ETV6: variants seen among roughly 807,000 people sequenced by gnomAD.
ETV6 encodes transcription factor ETV6.
In ETV6, 16 loss-of-function variants were observed where a neutral mutation model predicts 51.1. That is an observed-to-expected ratio of 0.31 (90% CI 0.21 to 0.48). The LOEUF (loss-of-function observed/expected upper bound fraction) is 0.48, where lower values mean the gene tolerates loss of function less well. Among genes scored for constraint, ETV6 ranks in the 20% least tolerant of loss-of-function variants. The pLI, the probability that ETV6 is intolerant of heterozygous loss-of-function variation, is 0.99. For synonymous variants in ETV6, 240 were observed against 224.1 expected (o/e 1.07, Z -0.64); for missense variants, 458 against 594.8 (o/e 0.77, Z 2.39).
intron 1 of ETV6, among the ~76,000 whole-genome samples, chr12:11,711,105 G>T (rs1865164454): frequency 6.6e-6 from 1 of 152,192 alleles, no homozygotes; most frequent in Non-Finnish European, 1.5e-5. Context: ...ACCACTAATC[G>T]ATTGAGTTGG....
intron 2 of ETV6, among the ~76,000 whole-genome samples, chr12:11,779,164 G>A (rs1015040336): frequency 6.6e-6 from 1 of 152,168 alleles, no homozygotes; most frequent in Admixed American, 6.5e-5. Context: ...GCGTCTCTGC[G>A]TATATTTGTG....
intron 4 of ETV6, among the ~76,000 whole-genome samples, chr12:11,865,357 C>T (rs530303717): frequency 6.6e-6 from 1 of 151,630 alleles, no homozygotes; most frequent in Non-Finnish European, 1.5e-5. Context: ...TCGGTATCAT[C>T]AAATAATCTG....
chr12:11,720,515 T>C (rs1361019452), intron 1 of ETV6, among the ~76,000 whole-genome samples: 1 of 152,238 alleles, frequency 6.6e-6, no homozygotes, highest in Admixed American at 6.5e-5. Context: ...CTGGGATAGC[T>C]GGCTAGCCAT....
intron 1 of ETV6, among the ~76,000 whole-genome samples, chr12:11,739,561 C>G (rs1392220512): frequency 6.6e-6 from 1 of 152,136 alleles, no homozygotes; most frequent in East Asian, 1.9e-4. Flanking sequence ...ATTTTATGAA[C>G]TCTAAATACA....
At chr12:11,798,226 G>A (rs1191949175) in intron 2 of ETV6, among the ~76,000 whole-genome samples, 1 of 152,202 alleles carries the variant, frequency 6.6e-6, no homozygotes, top group South Asian at 2.1e-4. Context: ...CCACAGAAGA[G>A]AAGCAGTTGA....
intron 5 of ETV6, among the ~76,000 whole-genome samples, chr12:11,879,049 C>T (rs139470485): frequency 1.5e-3 from 224 of 152,226 alleles, no homozygotes; most frequent in East Asian, 2.9e-3. Flanking sequence ...CAGATATTGC[C>T]ACATGCCCCC....
intron 4 of ETV6, among the ~76,000 whole-genome samples, chr12:11,865,891 T>G (rs980406787): frequency 1.3e-5 from 2 of 151,988 alleles, no homozygotes; most frequent in Non-Finnish European, 2.9e-5. Flanking sequence ...TTCTTGGACC[T>G]TCGAATTTAC....
chr12:11,735,341 G>A (rs1224209921), intron 1 of ETV6, among the ~76,000 whole-genome samples: 2 of 152,156 alleles, frequency 1.3e-5, no homozygotes, highest in African/African-American at 4.8e-5. Context: ...GGTTATGGGA[G>A]TTGGTCTTTG....
intron 1 of ETV6, among the ~76,000 whole-genome samples, chr12:11,740,038 C>A (rs1865781069): frequency 1.3e-5 from 2 of 152,156 alleles, no homozygotes; most frequent in African/African-American, 4.8e-5. Flanking sequence ...GACAGCTTTA[C>A]CTCTGTTAAT....
intron 3 of ETV6, chr12:11,840,766 CAAACATACCTG>C: frequency 3.3e-6 from 1 of 299,720 alleles, no homozygotes; most frequent in Non-Finnish European, 6.6e-6. Flanking sequence ...GGAAGGGACA[CAAACATACCTG>C]AAACATTTTG....
intron 2 of ETV6, among the ~76,000 whole-genome samples, chr12:11,791,821 T>C (rs1945599171): frequency 1.3e-5 from 2 of 152,164 alleles, no homozygotes; most frequent in Admixed American, 6.5e-5. Context: ...ATCTAATGTT[T>C]CTCAAACCCA....
chr12:11,731,012 G>A (rs1257365874), intron 1 of ETV6, among the ~76,000 whole-genome samples: 1 of 152,200 alleles, frequency 6.6e-6, no homozygotes, highest in East Asian at 1.9e-4. Flanking sequence ...CCCCTCCAGT[G>A]TAGTTGGTGA....
At chr12:11,685,215 T>C in intron 1 of ETV6, among the ~76,000 whole-genome samples, 1 of 152,108 alleles carries the variant, frequency 6.6e-6, no homozygotes, top group East Asian at 1.9e-4. Flanking sequence ...TGTCTTAACT[T>C]TTCAACAGGG....
At chr12:11,657,103 A>C (rs1439720820) in intron 1 of ETV6, among the ~76,000 whole-genome samples, 1 of 152,232 alleles carries the variant, frequency 6.6e-6, no homozygotes, top group Non-Finnish European at 1.5e-5. Flanking sequence ...TAGTGAAGAG[A>C]GTCTTCAGAG....
rs539690023 is a variant in ETV6, at chr12:11,766,324, T to C, written c.163+13745T>C. Among the ~76,000 whole-genome samples, 5 of 152,300 alleles carry C rather than the reference T, an allele frequency of 3.3e-5. No homozygotes were observed. In the South Asian group the frequency reaches 1.0e-3, roughly 32 times the overall value. On this transcript the variant is annotated intron_variant, in intron 2 of 7. Coordinates refer to ENST00000396373, the MANE Select transcript of ETV6 (RefSeq NM_001987.5). ...AGAGCTTCCTGACTTGAAGGCTTCT[T>C]GGAAGGGAAACAGTTTCATAATGAA...
At chr12:11,650,268 AG>A in intron 1 of ETV6, 108 bp downstream of exon 1, 1 of 999,812 alleles carries the variant, frequency 1.0e-6, no homozygotes, top group Non-Finnish European at 1.6e-6. Context: ...CTCTGTTCGC[AG>A]GAAATTATTT....
chr12:11,841,472 AT>A (rs1473229273), intron 3 of ETV6, among the ~76,000 whole-genome samples: 4 of 152,218 alleles, frequency 2.6e-5, no homozygotes, highest in Admixed American at 6.5e-5. Context: ...ATCACCAAGT[AT>A]ATTTGGGTGA....
rs1340964955 is a variant in ETV6, at chr12:11,893,716, G to C, written c.*2670G>C. On this transcript the variant is annotated 3_prime_UTR_variant, in exon 8 of 8. Transcript: ENST00000396373. ...TCAAATATCATAAAATTACCTTCAG[G>C]CTATGTGTATAAAGTATATATGAGC... 1 of 209,726 alleles carries C rather than the reference G, an allele frequency of 4.8e-6. No individual in the cohort carries two copies. Among genetic ancestry groups the C allele is most frequent in the African/African-American group, 2.3e-5 (1 of 42,906 alleles). The allele number at this position is 209,726 out of a possible 1,614,324, so 13.0% of individuals were successfully genotyped here.
chr12:11,813,354 G>A (rs1945943122), intron 2 of ETV6, among the ~76,000 whole-genome samples: 2 of 152,126 alleles, frequency 1.3e-5, no homozygotes, highest in African/African-American at 4.8e-5. Context: ...CTGCAGCACA[G>A]GCAGTGTGAA....
Sources: gnomAD v4.1 joint callset for allele counts (sites outside exome capture counted in the v4.1 genomes callset) on GRCh38, gnomAD v4.1.1 for gene constraint, MANE v1.5 for transcripts, NCBI Gene and HGNC (gene_info 2026-07-23, HGNC 2026-07-21) for gene names.